Variants in NKAIN3 observed in about 807,000 individuals in gnomAD.
NKAIN3 encodes the protein sodium/potassium transporting ATPase interacting 3, also known as sodium/potassium-transporting ATPase subunit beta-1-interacting protein 3.
In NKAIN3, 25 loss-of-function variants were observed where a neutral mutation model predicts 30.2. The observed-to-expected ratio is 0.83, with a 90% CI of 0.60 to 1.16. The LOEUF (loss-of-function observed/expected upper bound fraction) is 1.16. Among genes scored for constraint, NKAIN3 ranks in the 50% most tolerant of loss-of-function variants. The pLI is 0.00. For missense variants in NKAIN3, 225 were observed against 254.1 expected, an observed-to-expected ratio of 0.89 and a Z score of 0.78; for synonymous variants, 91 against 89.6, an observed-to-expected ratio of 1.02 and a Z score of -0.09.
chr8:62,321,830 G>A (rs1471288732), intron 1 of NKAIN3, among the ~76,000 whole-genome samples: 11 of 152,154 alleles, frequency 7.2e-5, no homozygotes, highest in Non-Finnish European at 1.3e-4. Flanking sequence ...GCTGCGTGCT[G>A]GGAGAACCAC....
At chr8:62,394,962 C>G (rs1454766613) in intron 1 of NKAIN3, among the ~76,000 whole-genome samples, 1 of 150,466 alleles carries the variant, frequency 6.6e-6, no homozygotes, top group Non-Finnish European at 1.5e-5. Flanking sequence ...AGCAGAGGCG[C>G]TCCTCACTTC....
rs375590485 is a variant in NKAIN3 at position 62,707,116 on chromosome 8, T to TC, written c.274-39814dup. ...ATATATATAAAACACAGTCTCCTTA[T>TC]CCACTCATTGATTGATGAGCATTTT... On this transcript the variant is annotated intron_variant, in intron 3 of 6. Transcript: ENST00000623646. Among the ~76,000 whole-genome samples, 38 of 151,680 alleles carry TC rather than the reference T, an allele frequency of 2.5e-4. No homozygotes were observed. The East Asian group carries it at 6.6e-3, about 26-fold the overall frequency.
At chr8:62,631,319 C>T (rs1811952718) in intron 3 of NKAIN3, among the ~76,000 whole-genome samples, 1 of 152,166 alleles carries the variant, frequency 6.6e-6, no homozygotes, top group Non-Finnish European at 1.5e-5. Flanking sequence ...CTTGCAATCC[C>T]CTCTCCACCC....
chr8:62,877,863 A>T lies in NKAIN3; in HGVS notation c.472-40590A>T, dbSNP rs552261939. On this transcript the variant is annotated intron_variant, in intron 4 of 6. Coordinates refer to ENST00000623646, the MANE Select transcript of NKAIN3 (RefSeq NM_001304533.3). ...CAAGACCAGCCTGACCAACATGAAG[A>T]AACCCTGTCTCTACTAAAAATGCAA... Among the ~76,000 whole-genome samples, 232 of 152,210 alleles carry T rather than the reference A, an allele frequency of 1.5e-3. 1 individual carries two copies. The highest frequency in any genetic ancestry group is 2.4e-3 in the Non-Finnish European group (160 of 68,020).
At chr8:62,844,182 T>A (rs1819609206) in intron 4 of NKAIN3, among the ~76,000 whole-genome samples, 1 of 152,184 alleles carries the variant, frequency 6.6e-6, no homozygotes, top group Non-Finnish European at 1.5e-5. Context: ...AGGGCAACTT[T>A]GGCCTTAAAT....
intron 4 of NKAIN3, among the ~76,000 whole-genome samples, chr8:62,858,952 T>C (rs1820151577): frequency 6.6e-6 from 1 of 152,096 alleles, no homozygotes; most frequent in Admixed American, 6.5e-5. Flanking sequence ...TGCAGACACC[T>C]TTGTTGGGGA....
At chr8:62,883,592 A>T (rs2130816751) in intron 4 of NKAIN3, among the ~76,000 whole-genome samples, 1 of 151,754 alleles carries the variant, frequency 6.6e-6, no homozygotes, top group Non-Finnish European at 1.5e-5. Context: ...TTTAAGTACA[A>T]TGTTGAATAG....
intron 1 of NKAIN3, among the ~76,000 whole-genome samples, chr8:62,421,639 T>G (rs1804644882): frequency 6.6e-6 from 1 of 152,024 alleles, no homozygotes; most frequent in African/African-American, 2.4e-5. Flanking sequence ...TCTCTCTCTC[T>G]GTATACATAT....
At chr8:62,658,485 A>C (rs1812834652) in intron 3 of NKAIN3, among the ~76,000 whole-genome samples, 1 of 152,210 alleles carries the variant, frequency 6.6e-6, no homozygotes, top group Admixed American at 6.5e-5. Context: ...ACTGCCTGGC[A>C]TATTATATGT....
At chr8:62,647,452 C>G (rs886330447) in intron 3 of NKAIN3, among the ~76,000 whole-genome samples, 16 of 152,154 alleles carry the variant, frequency 1.1e-4, no homozygotes, top group Non-Finnish European at 4.4e-5. Context: ...AACAGTATCT[C>G]TGATTAAGTG....
intron 1 of NKAIN3, among the ~76,000 whole-genome samples, chr8:62,401,556 T>A (rs1190314397): frequency 6.6e-6 from 1 of 152,144 alleles, no homozygotes; most frequent in Admixed American, 6.5e-5. Flanking sequence ...TCTGTGCCCA[T>A]TCTTCTTGGG....
intron 4 of NKAIN3, among the ~76,000 whole-genome samples, chr8:62,893,810 G>C (rs1821358706): frequency 6.6e-6 from 1 of 152,210 alleles, no homozygotes; most frequent in Non-Finnish European, 1.5e-5. Context: ...TGGAAAGTTT[G>C]GTCATCACAG....
At chr8:62,950,339 T>G (rs1474587046) in intron 5 of NKAIN3, among the ~76,000 whole-genome samples, 2 of 152,148 alleles carry the variant, frequency 1.3e-5, no homozygotes, top group African/African-American at 2.4e-5. Context: ...GACAAACTGT[T>G]TTTTAATATG....
intron 4 of NKAIN3, among the ~76,000 whole-genome samples, chr8:62,878,222 G>C (rs1483302661): frequency 1.3e-5 from 2 of 152,112 alleles, no homozygotes; most frequent in African/African-American, 2.4e-5. Context: ...AGAATATATT[G>C]ATTTGACAAT....
At chr8:62,858,911 G>T (rs942839679) in intron 4 of NKAIN3, among the ~76,000 whole-genome samples, 3 of 152,160 alleles carry the variant, frequency 2.0e-5, no homozygotes, top group African/African-American at 7.2e-5. Context: ...CCTTCCTAGG[G>T]GTATGTACAG....
intron 1 of NKAIN3, among the ~76,000 whole-genome samples, chr8:62,456,055 A>T (rs1212301929): frequency 6.6e-6 from 1 of 152,220 alleles, no homozygotes; most frequent in Non-Finnish European, 1.5e-5. Flanking sequence ...ACAAAGCTAG[A>T]TGGCACAAAA....
At chr8:62,747,870 C>G (rs909729502) in intron 4 of NKAIN3, among the ~76,000 whole-genome samples, 3 of 152,212 alleles carry the variant, frequency 2.0e-5, no homozygotes, top group South Asian at 2.1e-4. Context: ...TCACATAAAC[C>G]AACCATCTCA....
At chr8:62,862,871 C>A (rs1198426974) in intron 4 of NKAIN3, among the ~76,000 whole-genome samples, 3 of 152,006 alleles carry the variant, frequency 2.0e-5, no homozygotes, top group South Asian at 2.1e-4. Flanking sequence ...TTGTTTTTTG[C>A]AAAAACTCTA....
intron 5 of NKAIN3, among the ~76,000 whole-genome samples, chr8:62,937,694 T>TG (rs931553649): frequency 2.0e-5 from 3 of 151,604 alleles, no homozygotes; most frequent in Non-Finnish European, 2.9e-5. Flanking sequence ...GAATCTGTAG[T>TG]GGGGGGGCAA....
Sources: gnomAD v4.1 joint callset for allele counts (sites outside exome capture counted in the v4.1 genomes callset) on GRCh38, gnomAD v4.1.1 for gene constraint, MANE v1.5 for transcripts, NCBI Gene and HGNC (gene_info 2026-07-23, HGNC 2026-07-21) for gene names.